The following CHODL variants were observed in gnomAD, a reference collection of about 807,000 sequenced individuals.
CHODL encodes transmembrane protein MT75.
CHODL carries 29 observed loss-of-function variants against 34.5 expected under a neutral mutation model. The observed-to-expected ratio is 0.84, with a 90% CI of 0.63 to 1.15. The LOEUF is 1.15. CHODL is among the 50% of genes most tolerant of loss of function. The pLI, the probability that CHODL is intolerant of heterozygous loss-of-function variation, is 0.00. For synonymous variants in CHODL, 125 were observed against 116.1 expected (o/e 1.08, Z -0.49); for missense variants, 332 against 332.5 (o/e 1.00, Z 0.01).
At chr21:18,148,679 A>G (rs1297265299) in intron 2 of CHODL, among the ~76,000 whole-genome samples, 1 of 152,140 alleles carries the variant, frequency 6.6e-6, no homozygotes, top group African/African-American at 2.4e-5. Flanking sequence ...AAGTGTTACT[A>G]TACATTTTAC....
chr21:18,239,493 T>C (rs562226676), intron 2 of CHODL, among the ~76,000 whole-genome samples: 1 of 150,908 alleles, frequency 6.6e-6, no homozygotes, highest in South Asian at 2.1e-4. Context: ...CATAATACAG[T>C]TTATTGCTAT....
At chr21:18,029,910 C>T (rs1351523959) in intron 2 of CHODL, among the ~76,000 whole-genome samples, 4 of 152,120 alleles carry the variant, frequency 2.6e-5, no homozygotes, top group African/African-American at 9.7e-5. Context: ...CACATCATCT[C>T]TGGGACATGA....
upstream of CHODL, among the ~76,000 whole-genome samples, chr21:18,240,060 A>G (rs572440104): frequency 2.0e-5 from 3 of 152,154 alleles, no homozygotes; most frequent in South Asian, 6.2e-4. Flanking sequence ...GCGATTTCCA[A>G]CTTCTTTGAG....
intron 1 of CHODL, among the ~76,000 whole-genome samples, chr21:17,942,552 A>C (rs1387071011): frequency 6.6e-6 from 1 of 152,186 alleles, no homozygotes; most frequent in East Asian, 1.9e-4. Context: ...TGTCTTTATC[A>C]GGAGTGTGAA....
chr21:18,048,877 C>T (rs901236883), intron 2 of CHODL, among the ~76,000 whole-genome samples: 3 of 151,728 alleles, frequency 2.0e-5, no homozygotes, highest in Non-Finnish European at 2.9e-5. Context: ...TTAGACCTAT[C>T]GAATATTATT....
chr21:17,956,981 T>A (rs946472240), intron 1 of CHODL, among the ~76,000 whole-genome samples: 1 of 151,876 alleles, frequency 6.6e-6, no homozygotes, highest in Admixed American at 6.6e-5. Flanking sequence ...GTAAAGAAGG[T>A]TGTCCTCTCC....
intron 1 of CHODL, among the ~76,000 whole-genome samples, chr21:18,004,699 A>G (rs1229247702): frequency 6.6e-6 from 1 of 152,190 alleles, no homozygotes; most frequent in Non-Finnish European, 1.5e-5. Context: ...TTACATACCC[A>G]TACACTACTT....
At chr21:18,051,416 T>A (rs2064514753) in intron 2 of CHODL, among the ~76,000 whole-genome samples, 2 of 151,870 alleles carry the variant, frequency 1.3e-5, no homozygotes, top group South Asian at 4.1e-4. Context: ...TTTTTTTTTT[T>A]TATTTTTTCC....
chr21:18,174,135 A>ATATATATATATATATATATCTTGG (rs2073269919), intron 2 of CHODL, among the ~76,000 whole-genome samples: 4 of 51,764 alleles, frequency 7.7e-5, no homozygotes, highest in African/African-American at 2.2e-4. Flanking sequence ...ATATATATAT[A>ATATATATATATATATATATCTTGG]TATATATATA....
intron 1 of CHODL, among the ~76,000 whole-genome samples, chr21:18,012,493 T>C (rs566461594): frequency 3.3e-5 from 5 of 152,326 alleles, no homozygotes; most frequent in African/African-American, 1.2e-4. Flanking sequence ...CTACTATTAA[T>C]GTATATAGAA....
In CHODL at chr21:18,214,755, C is replaced by T. The variant is rs1458742820; in HGVS notation, c.-44-41754C>T. ...AATTACTAGAAGAGTCTTATCAGGG[C>T]CAACTTAGTACAGAGAACATTTGAA... On this transcript the variant is annotated intron_variant, in intron 2 of 6. Coordinates refer to the CHODL transcript ENST00000400127. Among the ~76,000 whole-genome samples, 3 of 152,026 alleles carry T rather than the reference C, an allele frequency of 2.0e-5. No homozygotes were observed. The South Asian group carries it at 6.2e-4, about 32-fold the overall frequency.
intron 2 of CHODL, among the ~76,000 whole-genome samples, chr21:18,207,018 A>C (rs539371914): frequency 1.3e-5 from 2 of 152,152 alleles, no homozygotes; most frequent in African/African-American, 4.8e-5. Context: ...TATTTCTCCT[A>C]ACACTATCCC....
chr21:17,993,537 G>C (rs772154045), intron 1 of CHODL, among the ~76,000 whole-genome samples: 10 of 152,160 alleles, frequency 6.6e-5, no homozygotes, highest in Non-Finnish European at 1.3e-4. Context: ...TTCCTGCAAA[G>C]GACATGATCT....
intron 1 of CHODL, among the ~76,000 whole-genome samples, chr21:17,959,533 T>G (rs935928641): frequency 6.6e-6 from 1 of 152,168 alleles, no homozygotes; most frequent in African/African-American, 2.4e-5. Flanking sequence ...AAATTCTCAT[T>G]TTCCAAATAC....
At chr21:18,041,766 AC>A (rs1352547661) in intron 2 of CHODL, among the ~76,000 whole-genome samples, 45 of 152,022 alleles carry the variant, frequency 3.0e-4, no homozygotes, top group Non-Finnish European at 4.3e-4. Context: ...GGCTCATATT[AC>A]AAGTTAAATG....
intron 2 of CHODL, among the ~76,000 whole-genome samples, chr21:18,048,536 G>A (rs1133810): frequency 0.081 from 12,332 of 151,590 alleles, 671 homozygotes; most frequent in Middle Eastern, 0.14. Context: ...TAATAAAGCT[G>A]AAAATATGTA....
chr21:17,970,485 G>T (rs1413121200), intron 1 of CHODL, among the ~76,000 whole-genome samples: 1 of 152,126 alleles, frequency 6.6e-6, no homozygotes, highest in Non-Finnish European at 1.5e-5. Context: ...CTAAAGAGAA[G>T]AAGGTTTTTT....
chr21:18,113,085 A>C (rs903663978), intron 2 of CHODL, among the ~76,000 whole-genome samples: 3 of 152,168 alleles, frequency 2.0e-5, no homozygotes, highest in African/African-American at 7.2e-5. Context: ...AAATCTAATA[A>C]TCTGATCAAC....
intron 5 of CHODL, among the ~76,000 whole-genome samples, chr21:18,265,140 T>C (rs1411996390): frequency 6.6e-6 from 1 of 151,242 alleles, no homozygotes; most frequent in East Asian, 1.9e-4. Flanking sequence ...CAAATGCCCA[T>C]CAATCAATGC....
Sources: gnomAD v4.1 joint callset for allele counts (sites outside exome capture counted in the v4.1 genomes callset) on GRCh38, gnomAD v4.1.1 for gene constraint, MANE v1.5 for transcripts, NCBI Gene and HGNC (gene_info 2026-07-23, HGNC 2026-07-21) for gene names.